CELF2: variants seen among roughly 807,000 people sequenced by gnomAD.
CELF2 encodes the protein CUG triplet repeat RNA-binding protein 2.
A neutral mutation model predicts 62.6 loss-of-function variants in CELF2; 8 were observed. The ratio of observed to expected loss-of-function variants is 0.13; its 90% CI spans 0.07 to 0.23. The LOEUF is 0.23. Ranked by LOEUF, CELF2 falls within the 10% of genes least tolerant of loss-of-function variation. CELF2 has a pLI of 1.00. For synonymous variants in CELF2, 258 were observed against 250.0 expected, an observed-to-expected ratio of 1.03 and a Z score of -0.30; for missense variants, 333 against 671.0, an observed-to-expected ratio of 0.50 and a Z score of 5.56.
At chr10:11,072,401 A>G (rs1242134544) in intron 1 of CELF2, among the ~76,000 whole-genome samples, 1 of 152,348 alleles carries the variant, frequency 6.6e-6, no homozygotes, top group Middle Eastern at 3.4e-3. Context: ...CCAGATGACA[A>G]TGAATGGTTG....
At chr10:11,282,936 C>A (rs527664479) in intron 8 of CELF2, among the ~76,000 whole-genome samples, 4 of 152,342 alleles carry the variant, frequency 2.6e-5, no homozygotes, top group African/African-American at 7.2e-5. Context: ...AAGCACTTAA[C>A]TTCTTTTCTC....
intron 1 of CELF2, among the ~76,000 whole-genome samples, chr10:10,836,096 G>A (rs2058265975): frequency 1.3e-5 from 2 of 152,058 alleles, no homozygotes; most frequent in African/African-American, 4.8e-5. Flanking sequence ...CTATAAGAGT[G>A]GAACTTAGAG....
chr10:11,021,714 T>A (rs2138124744), intron 1 of CELF2, among the ~76,000 whole-genome samples: 1 of 152,356 alleles, frequency 6.6e-6, no homozygotes, highest in South Asian at 2.1e-4. Flanking sequence ...AGGCAGTAAA[T>A]GGCAAAACTG....
the CELF2 span, among the ~76,000 whole-genome samples, chr10:10,646,567 T>C: frequency 6.6e-6 from 1 of 152,176 alleles, no homozygotes; most frequent in Non-Finnish European, 1.5e-5. Context: ...TCCACCTCCA[T>C]GCATAATTAA....
chr10:11,173,646 C>T (rs2069803416), intron 2 of CELF2, among the ~76,000 whole-genome samples: 1 of 152,168 alleles, frequency 6.6e-6, no homozygotes, highest in Admixed American at 6.5e-5. Flanking sequence ...CTTGGACATA[C>T]AGCCCCAGAT....
intron 1 of CELF2, among the ~76,000 whole-genome samples, chr10:10,913,883 G>C (rs1338162572): frequency 6.6e-5 from 8 of 120,484 alleles, no homozygotes; most frequent in African/African-American, 2.2e-4. Flanking sequence ...AGGAAGGAAG[G>C]AAGAAGGAAG....
chr10:10,595,564 A>G, the CELF2 span, among the ~76,000 whole-genome samples: 89 of 152,306 alleles, frequency 5.8e-4, 1 homozygote, highest in African/African-American at 2.0e-3. Context: ...CTGGTGTGCC[A>G]TGTCGGTTTA....
chr10:11,200,861 AGTT>A (rs554190596), intron 2 of CELF2, among the ~76,000 whole-genome samples: 137 of 152,362 alleles, frequency 9.0e-4, no homozygotes, highest in African/African-American at 3.2e-3. Context: ...GCACCGTACA[AGTT>A]GTTTTCCCTC....
chr10:10,736,820 A>T, the CELF2 span, among the ~76,000 whole-genome samples: 1 of 152,118 alleles, frequency 6.6e-6, no homozygotes, highest in Non-Finnish European at 1.5e-5. Flanking sequence ...CTGTTTAAGA[A>T]GGTTCATATA....
chr10:10,752,986 G>C, the CELF2 span, among the ~76,000 whole-genome samples: 1 of 152,070 alleles, frequency 6.6e-6, no homozygotes, highest in African/African-American at 2.4e-5. Context: ...CGTACTTAAA[G>C]ACAGTGTTTT....
chr10:10,730,912 G>T, the CELF2 span, among the ~76,000 whole-genome samples: 1 of 152,186 alleles, frequency 6.6e-6, no homozygotes, highest in Non-Finnish European at 1.5e-5. Context: ...AGTCTACTGG[G>T]AGCTTGTGAT....
At chr10:10,918,109 A>T (rs1451836916) in intron 1 of CELF2, among the ~76,000 whole-genome samples, 2 of 152,226 alleles carry the variant, frequency 1.3e-5, no homozygotes, top group Non-Finnish European at 2.9e-5. Flanking sequence ...TCCTGATAAG[A>T]TGAATAAATA....
At chr10:11,250,326 T>C (rs904952915) in intron 4 of CELF2, among the ~76,000 whole-genome samples, 1 of 152,190 alleles carries the variant, frequency 6.6e-6, no homozygotes, top group African/African-American at 2.4e-5. Flanking sequence ...CTGGGCAACA[T>C]AGATATATAA....
At chr10:11,248,680 A>G (rs1376387224) in intron 3 of CELF2, among the ~76,000 whole-genome samples, 1 of 152,198 alleles carries the variant, frequency 6.6e-6, no homozygotes, top group Non-Finnish European at 1.5e-5. Context: ...GTTATTTTCA[A>G]CGCATCTTAG....
Position 11,104,289 on chromosome 10 carries a change from A to C in CELF2, c.75-61197A>C, listed in dbSNP as rs1422071467. On this transcript the variant is annotated intron_variant, in intron 1 of 12. Coordinates refer to ENST00000633077, the MANE Select transcript of CELF2 (RefSeq NM_001326342.2). ...ATCCTCTATCAGGTGATCAAACTTT[A>C]TGAGATTTTAAAAATAATAGTTTCG... Among the ~76,000 whole-genome samples the C allele has an allele frequency of 2.0e-5, 3 of 152,232 alleles. No individual in the cohort carries two copies. In the East Asian group the frequency reaches 5.8e-4, roughly 29 times the overall value.
chr10:11,270,421 A>C lies in CELF2; in HGVS notation c.619-245A>C, dbSNP rs1470055940. 1.3e-5 allele frequency among the ~76,000 whole-genome samples: 2 copies of C among 152,204 alleles called. No homozygotes were observed. Among genetic ancestry groups the C allele is most frequent in the African/African-American group, 4.8e-5 (2 of 41,446 alleles). ...GGAAGAGAAGGAGAGGCAGTTACTA[A>C]TCAGAGCAAGAAAGCAAGTGACTTC... On this transcript the variant is annotated intron_variant, in intron 6 of 12. Coordinates refer to ENST00000633077, the MANE Select transcript of CELF2 (RefSeq NM_001326342.2). This position sits in a 1 kb window ranked among gnomAD's most constrained non-coding sequence, Gnocchi z 5.8.
intron 1 of CELF2, among the ~76,000 whole-genome samples, chr10:10,871,882 G>A (rs10905853): frequency 0.062 from 9,461 of 152,122 alleles, 435 homozygotes; most frequent in East Asian, 0.22. Flanking sequence ...ACATGCAAAC[G>A]TATTCTCAGG....
At chr10:11,308,783 A>C (rs1289716656) in intron 9 of CELF2, among the ~76,000 whole-genome samples, 2 of 152,202 alleles carry the variant, frequency 1.3e-5, no homozygotes, top group East Asian at 3.8e-4. Flanking sequence ...TTCCTACTGA[A>C]AGTTAAATTT....
At chr10:10,686,906 A>C in the CELF2 span, among the ~76,000 whole-genome samples, 1 of 152,104 alleles carries the variant, frequency 6.6e-6, no homozygotes, top group Non-Finnish European at 1.5e-5. Context: ...TTATCTTCTT[A>C]TATGTGGAAC....
Sources: gnomAD v4.1 joint callset for allele counts (sites outside exome capture counted in the v4.1 genomes callset) on GRCh38, gnomAD v4.1.1 for gene constraint, Gnocchi (gnomAD v3.1) non-coding constraint, MANE v1.5 for transcripts, NCBI Gene and HGNC (gene_info 2026-07-23, HGNC 2026-07-21) for gene names.